CSMD1: variants seen among roughly 807,000 people sequenced by gnomAD.
The protein encoded by CSMD1 is CUB and sushi domain-containing protein 1.
CSMD1 carries 213 observed loss-of-function variants against 417.5 expected under a neutral mutation model. The ratio of observed to expected loss-of-function variants is 0.51; its 90% CI spans 0.46 to 0.57. The LOEUF (loss-of-function observed/expected upper bound fraction) is 0.57, where lower values mean the gene tolerates loss of function less well. CSMD1 is among the 20% of genes least tolerant of loss of function. The pLI is 0.00. For synonymous variants in CSMD1, 2,862 were observed against 1,736.8 expected, an observed-to-expected ratio of 1.65 and a Z score of -16.11; for missense variants, 6,923 against 4,529.7, an observed-to-expected ratio of 1.53 and a Z score of -15.17.
At chr8:3,725,319 AG>A (rs1456156554) in intron 6 of CSMD1, among the ~76,000 whole-genome samples, 1 of 152,196 alleles carries the variant, frequency 6.6e-6, no homozygotes, top group Non-Finnish European at 1.5e-5. Flanking sequence ...TTTCAGTCAT[AG>A]GGCAGGACAA....
At chr8:4,140,313 A>G (rs1186567863) in intron 3 of CSMD1, among the ~76,000 whole-genome samples, 2 of 151,004 alleles carry the variant, frequency 1.3e-5, no homozygotes, top group Non-Finnish European at 2.9e-5. Context: ...CCTGACAAAC[A>G]TGGTGAAATC....
intron 3 of CSMD1, among the ~76,000 whole-genome samples, chr8:4,392,748 T>C (rs1316410154): frequency 6.6e-6 from 1 of 151,446 alleles, no homozygotes. Context: ...GGCGGGCGGA[T>C]CACGAGGTCA....
chr8:4,290,444 T>C (rs540010849), intron 3 of CSMD1, among the ~76,000 whole-genome samples: 3 of 152,148 alleles, frequency 2.0e-5, no homozygotes, highest in Non-Finnish European at 4.4e-5. Flanking sequence ...TTCCATGCTG[T>C]TCTATGGGCA....
intron 49 of CSMD1, among the ~76,000 whole-genome samples, chr8:3,071,155 C>A (rs145881454): frequency 0.015 from 2,327 of 152,336 alleles, 25 homozygotes; most frequent in South Asian, 0.038. Flanking sequence ...CCCGCTTGAT[C>A]CAAACACCTC....
intron 3 of CSMD1, among the ~76,000 whole-genome samples, chr8:4,070,442 C>G (rs2554693): frequency 0.15 from 22,919 of 152,014 alleles, 1,851 homozygotes; most frequent in South Asian, 0.36. Flanking sequence ...ACTGCAAGCT[C>G]CGCCTCCCGG....
At chr8:3,032,024 A>C (rs1053235647) in intron 50 of CSMD1, among the ~76,000 whole-genome samples, 1 of 151,302 alleles carries the variant, frequency 6.6e-6, no homozygotes, top group Non-Finnish European at 1.5e-5. Context: ...TATGCTTTGA[A>C]AAATAGCCTG....
chr8:3,176,438 A>C (rs962418017), intron 37 of CSMD1, among the ~76,000 whole-genome samples: 20 of 152,168 alleles, frequency 1.3e-4, no homozygotes, highest in African/African-American at 4.8e-4. Context: ...TTCAAAAAAA[A>C]CTTCTCCACA....
intron 10 of CSMD1, among the ~76,000 whole-genome samples, chr8:3,559,271 A>G (rs2116849763): frequency 6.6e-6 from 1 of 152,362 alleles, no homozygotes; most frequent in East Asian, 1.9e-4. Flanking sequence ...TATGGAAATA[A>G]CTGCCCTTGG....
chr8:3,321,366 C>A (rs544293006), intron 23 of CSMD1, among the ~76,000 whole-genome samples: 3 of 152,290 alleles, frequency 2.0e-5, no homozygotes, highest in South Asian at 4.1e-4. Flanking sequence ...ATCCTCCCTG[C>A]CCTTTAAGAT....
intron 10 of CSMD1, among the ~76,000 whole-genome samples, chr8:3,501,154 C>G (rs906763529): frequency 1.3e-5 from 2 of 152,136 alleles, no homozygotes; most frequent in African/African-American, 4.8e-5. Context: ...AATAGAGAGA[C>G]CACTTCTCCT....
chr8:4,433,497 C>T (rs1585067101), intron 2 of CSMD1, among the ~76,000 whole-genome samples: 1 of 152,158 alleles, frequency 6.6e-6, no homozygotes, highest in East Asian at 1.9e-4. Context: ...CCAAGTGTTT[C>T]CCTCATTCCC....
intron 5 of CSMD1, among the ~76,000 whole-genome samples, chr8:3,797,140 T>TG (rs1800198040): frequency 6.6e-6 from 1 of 151,916 alleles, no homozygotes; most frequent in Admixed American, 6.6e-5. Flanking sequence ...ACTAATAAAA[T>TG]ACAGTCAACA....
intron 12 of CSMD1, among the ~76,000 whole-genome samples, chr8:3,433,821 G>T (rs184158790): frequency 3.3e-5 from 5 of 152,150 alleles, no homozygotes; most frequent in Non-Finnish European, 5.9e-5. Context: ...TGAAAAACGG[G>T]CTCCCGTGGC....
At chr8:4,273,278 G>A (rs771946023) in intron 3 of CSMD1, among the ~76,000 whole-genome samples, 18 of 152,206 alleles carry the variant, frequency 1.2e-4, no homozygotes, top group East Asian at 3.9e-4. Flanking sequence ...GTTCACAAAT[G>A]AATGTGAGTA....
chr8:3,308,362 C>T lies in CSMD1; in HGVS notation c.3773G>A (p.Cys1258Tyr). ...CCACACTCTCCTGTCTCCACTCAAA[C>T]AGGTCAGGGTGTTGCTGCCATGCAT... Reference protein sequence around the residue: ...YAMHGSNTLTCLSGDRRVWDK... With the variant: ...YAMHGSNTLTYLSGDRRVWDK... The change falls in exon 24 of 70, where the codon TGT (cysteine) becomes TAT (tyrosine). Residue 1258 changes from cysteine to tyrosine, a missense_variant. Cys to Tyr is a radical substitution (Grantham distance 194, BLOSUM62 -2). Coordinates refer to ENST00000635120, the MANE Select transcript of CSMD1 (RefSeq NM_033225.6). 1 of 1,613,602 alleles carries T rather than the reference C, an allele frequency of 6.2e-7. No individual in the cohort carries two copies. Among genetic ancestry groups the T allele is most frequent in the Non-Finnish European group, 8.5e-7 (1 of 1,179,652 alleles).
intron 1 of CSMD1, among the ~76,000 whole-genome samples, chr8:4,859,026 C>T (rs1258253034): frequency 6.6e-6 from 1 of 151,380 alleles, no homozygotes; most frequent in Non-Finnish European, 1.5e-5. Flanking sequence ...TACTACAAGG[C>T]TACAGTAACC....
chr8:3,662,072 G>A (rs1274285388), intron 7 of CSMD1, among the ~76,000 whole-genome samples: 2 of 152,286 alleles, frequency 1.3e-5, no homozygotes, highest in South Asian at 2.1e-4. Flanking sequence ...CAGTAGTTGT[G>A]TAGAAACAGA....
At chr8:4,017,202 A>T (rs1040650027) in intron 4 of CSMD1, among the ~76,000 whole-genome samples, 3 of 152,132 alleles carry the variant, frequency 2.0e-5, no homozygotes, top group African/African-American at 7.2e-5. Context: ...CTTTTTTTAA[A>T]GTTTTTTCTA....
chr8:4,487,321 T>A (rs190173850), intron 2 of CSMD1, among the ~76,000 whole-genome samples: 1 of 152,056 alleles, frequency 6.6e-6, no homozygotes, highest in Non-Finnish European at 1.5e-5. Flanking sequence ...ATCCCTCCCC[T>A]CTCCCCACAA....
Sources: allele counts gnomAD v4.1 joint callset (sites outside exome capture counted in the v4.1 genomes callset), GRCh38; gene constraint gnomAD v4.1.1; transcripts MANE v1.5; gene names NCBI Gene and HGNC (gene_info 2026-07-23, HGNC 2026-07-21).